SLC25A26: variants seen among roughly 807,000 people sequenced by gnomAD.
The protein encoded by SLC25A26 is solute carrier family 25 member 26, also known as mitochondrial S-adenosylmethionine carrier protein.
SLC25A26 carries 36 observed loss-of-function variants against 37.8 expected under a neutral mutation model. The ratio of observed to expected loss-of-function variants is 0.95; its 90% CI spans 0.73 to 1.26. The LOEUF (loss-of-function observed/expected upper bound fraction) is 1.26, where lower values mean the gene tolerates loss of function less well. Among genes scored for constraint, SLC25A26 ranks in the 50% most tolerant of loss-of-function variants. SLC25A26 has a pLI of 0.00. For missense variants in SLC25A26, 390 were observed against 331.1 expected, an observed-to-expected ratio of 1.18 and a Z score of -1.38; for synonymous variants, 129 against 122.5, an observed-to-expected ratio of 1.05 and a Z score of -0.35.
intron 1 of SLC25A26, among the ~76,000 whole-genome samples, chr3:66,228,488 A>C (rs936027834): frequency 1.3e-5 from 2 of 152,228 alleles, no homozygotes; most frequent in African/African-American, 2.4e-5. Flanking sequence ...TAAAGGAAAG[A>C]TAAAAGTTAC....
At chr3:66,284,032 A>C (rs966270285) in intron 5 of SLC25A26, among the ~76,000 whole-genome samples, 1 of 152,234 alleles carries the variant, frequency 6.6e-6, no homozygotes, top group Non-Finnish European at 1.5e-5. Context: ...TTTTAAAGTC[A>C]ATTAATATTA....
intron 1 of SLC25A26, among the ~76,000 whole-genome samples, chr3:66,183,108 T>A (rs1388245086): frequency 6.6e-6 from 1 of 152,072 alleles, no homozygotes; most frequent in Non-Finnish European, 1.5e-5. Flanking sequence ...ACCCTTGGCC[T>A]TGCATTTCCC....
At chr3:66,253,167 G>A (rs2107208239) in intron 3 of SLC25A26, among the ~76,000 whole-genome samples, 1 of 152,056 alleles carries the variant, frequency 6.6e-6, no homozygotes, top group East Asian at 1.9e-4. Flanking sequence ...CAGCACTTTG[G>A]GAGGCTAAGG....
chr3:66,203,791 G>A (rs1427668399), intron 1 of SLC25A26, among the ~76,000 whole-genome samples: 1 of 151,996 alleles, frequency 6.6e-6, no homozygotes, highest in African/African-American at 2.4e-5. Context: ...TACATTCTAG[G>A]GTCTGCTTGT....
chr3:66,186,799 C>T (rs2070837084), intron 1 of SLC25A26, among the ~76,000 whole-genome samples: 2 of 151,830 alleles, frequency 1.3e-5, no homozygotes, highest in East Asian at 1.9e-4. Context: ...TTGAGTCTCA[C>T]CATGGCCCTG....
Position 66,378,893 on chromosome 3 carries a change from T to TTTCTATAAATAA in SLC25A26, c.*1087_*1098dup, listed in dbSNP as rs1459462648. Reference sequence around the variant, plus strand: ...GTTTTCAATGTACACTGTACCAAAATTTCTATAAATAAATAACTTTGTACA... The same window carrying TTTCTATAAATAA: ...GTTTTCAATGTACACTGTACCAAAATTTCTATAAATAATTCTATAAATAAATAACTTTGTACA... On this transcript the variant is annotated 3_prime_UTR_variant, in exon 10 of 10. Transcript: ENST00000354883. 1 of 152,666 alleles carries TTTCTATAAATAA rather than the reference T, an allele frequency of 6.6e-6. No individual in the cohort carries two copies. Among genetic ancestry groups the TTTCTATAAATAA allele is most frequent in the Non-Finnish European group, 1.5e-5 (1 of 68,040 alleles). The allele number at this position is 152,666 out of a possible 1,614,324, so 9.5% of individuals were successfully genotyped here.
chr3:66,276,957 G>GGAAA (rs397875991), intron 5 of SLC25A26, among the ~76,000 whole-genome samples: 2 of 124,564 alleles, frequency 1.6e-5, no homozygotes. Context: ...GGCACTGTTT[G>GGAAA]AAAAAAAAAA....
At chr3:66,187,445 A>G (rs2070850389) in intron 1 of SLC25A26, among the ~76,000 whole-genome samples, 1 of 152,104 alleles carries the variant, frequency 6.6e-6, no homozygotes, top group Non-Finnish European at 1.5e-5. Flanking sequence ...ATCACCCTGC[A>G]TATGACCCAC....
chr3:66,226,829 A>G (rs977087996), intron 1 of SLC25A26, among the ~76,000 whole-genome samples: 1 of 151,148 alleles, frequency 6.6e-6, no homozygotes, highest in African/African-American at 2.4e-5. Context: ...GAGCCACCAC[A>G]CCTGGCCCAC....
chr3:66,375,257 A>G (rs1451208385), intron 9 of SLC25A26, among the ~76,000 whole-genome samples: 1 of 152,256 alleles, frequency 6.6e-6, no homozygotes, highest in African/African-American at 2.4e-5. Flanking sequence ...GAAAGAAGTC[A>G]TCTCTGTAAC....
intron 1 of SLC25A26, among the ~76,000 whole-genome samples, chr3:66,226,037 C>T (rs1218407280): frequency 1.3e-5 from 2 of 152,230 alleles, no homozygotes; most frequent in Admixed American, 1.3e-4. Flanking sequence ...GTTACCCATT[C>T]TGAAGTCGCT....
intron 5 of SLC25A26, among the ~76,000 whole-genome samples, chr3:66,320,055 T>G (rs747489462): frequency 1.1e-4 from 17 of 152,190 alleles, no homozygotes; most frequent in Non-Finnish European, 2.5e-4. Flanking sequence ...GACAAATAAT[T>G]GAGACTAAAC....
chr3:66,377,214 C>G (rs1267421547), intron 9 of SLC25A26, among the ~76,000 whole-genome samples: 1 of 152,188 alleles, frequency 6.6e-6, no homozygotes, highest in African/African-American at 2.4e-5. Flanking sequence ...CATGCTGCCC[C>G]CTTCACAGCC....
intron 6 of SLC25A26, among the ~76,000 whole-genome samples, chr3:66,353,182 C>T (rs1336583594): frequency 6.6e-6 from 1 of 152,216 alleles, no homozygotes; most frequent in African/African-American, 2.4e-5. Flanking sequence ...GCACCTTTTA[C>T]TGTGTGCTGC....
At chr3:66,154,320 G>T (rs2070249086) in intron 1 of SLC25A26, among the ~76,000 whole-genome samples, 1 of 152,176 alleles carries the variant, frequency 6.6e-6, no homozygotes, top group South Asian at 2.1e-4. Context: ...GCATTGTTTT[G>T]GCAGAGATTA....
intron 5 of SLC25A26, among the ~76,000 whole-genome samples, chr3:66,315,603 G>A (rs2075516015): frequency 6.6e-6 from 1 of 152,134 alleles, no homozygotes; most frequent in Non-Finnish European, 1.5e-5. Flanking sequence ...TTGTTTTTGG[G>A]GAGAGAGTTC....
intron 6 of SLC25A26, among the ~76,000 whole-genome samples, chr3:66,350,736 C>A (rs575181186): frequency 3.3e-5 from 5 of 151,880 alleles, no homozygotes; most frequent in African/African-American, 7.3e-5. Flanking sequence ...GCGCGCACAC[C>A]CACACGCACA....
At chr3:66,192,178 T>C (rs1438940122) in intron 1 of SLC25A26, among the ~76,000 whole-genome samples, 3 of 151,610 alleles carry the variant, frequency 2.0e-5, no homozygotes, top group Non-Finnish European at 2.9e-5. Flanking sequence ...TAGCTGGGTG[T>C]GGTGGTGGGT....
At chr3:66,332,213 C>T (rs950744013) in intron 5 of SLC25A26, among the ~76,000 whole-genome samples, 2 of 152,154 alleles carry the variant, frequency 1.3e-5, no homozygotes, top group Non-Finnish European at 2.9e-5. Flanking sequence ...GCTGAGATTA[C>T]AGGCGTGAGC....
Sources: allele counts gnomAD v4.1 joint callset (sites outside exome capture counted in the v4.1 genomes callset), GRCh38; gene constraint gnomAD v4.1.1; transcripts MANE v1.5; gene names NCBI Gene and HGNC (gene_info 2026-07-23, HGNC 2026-07-21).